Variants in PCDH11X observed in about 807,000 individuals in gnomAD.
PCDH11X encodes protocadherin 11 X-linked, also known as protocadherin-11 X-linked.
PCDH11X carries 18 observed loss-of-function variants against 53.3 expected under a neutral mutation model. The observed-to-expected ratio is 0.34, with a 90% CI of 0.23 to 0.50. The LOEUF (loss-of-function observed/expected upper bound fraction) is 0.50. Among genes scored for constraint, PCDH11X ranks in the 20% least tolerant of loss-of-function variants. The probability of loss-of-function intolerance (pLI) is 0.98; values close to 1 mark genes in which losing one functional copy is unlikely to be tolerated. For missense variants in PCDH11X, 570 were observed against 1,032.4 expected (o/e 0.55, Z 6.14); for synonymous variants, 279 against 393.3 (o/e 0.71, Z 3.44).
At chrX:92,172,558 T>G (rs2065841269) in intron 6 of PCDH11X, among the ~76,000 whole-genome samples, 1 of 109,277 alleles carries the variant, frequency 9.2e-6, no homozygotes, top group African/African-American at 3.3e-5. Context: ...CCCAGCTAGT[T>G]AACAAATTTT....
intron 6 of PCDH11X, among the ~76,000 whole-genome samples, chrX:92,125,473 C>A (rs1408414903): frequency 1.8e-5 from 2 of 110,334 alleles, no homozygotes; most frequent in Non-Finnish European, 3.8e-5. Flanking sequence ...TGTCTCATTG[C>A]TTCATAGGTA....
intron 10 of PCDH11X, among the ~76,000 whole-genome samples, chrX:92,502,656 C>T (rs1405698901): frequency 5.4e-5 from 6 of 110,155 alleles, no homozygotes; most frequent in Non-Finnish European, 9.5e-5. Flanking sequence ...GGAGAACTGG[C>T]TAACCATATG....
chrX:92,269,950 C>G (rs191930050), intron 8 of PCDH11X, among the ~76,000 whole-genome samples: 1 of 111,111 alleles, frequency 9.0e-6, no homozygotes, highest in African/African-American at 3.3e-5. Flanking sequence ...ATTTTAACCA[C>G]TGCTTTTCTC....
At chrX:92,386,745 C>G (rs5984946) in intron 8 of PCDH11X, among the ~76,000 whole-genome samples, 1,986 of 103,279 alleles carry the variant, frequency 0.019, 52 homozygotes, top group East Asian at 0.088. Flanking sequence ...AGTCTTTCCA[C>G]GAAGCTAGCT....
intron 6 of PCDH11X, among the ~76,000 whole-genome samples, chrX:92,191,104 C>T (rs946255829): frequency 9.0e-6 from 1 of 111,513 alleles, no homozygotes; most frequent in African/African-American, 3.3e-5. Flanking sequence ...GATAAATTTG[C>T]CCCAATTAAG....
chrX:92,196,127 T>A (rs985143665), intron 6 of PCDH11X, among the ~76,000 whole-genome samples: 1 of 111,916 alleles, frequency 8.9e-6, no homozygotes, highest in Non-Finnish European at 1.9e-5. Flanking sequence ...AATATCTCAA[T>A]ACTTGAAAAT....
chrX:92,153,165 T>C (rs2065470669), intron 6 of PCDH11X, among the ~76,000 whole-genome samples: 2 of 110,336 alleles, frequency 1.8e-5, no homozygotes, highest in African/African-American at 6.6e-5. Context: ...ACTTAGCACA[T>C]TAAAACATGT....
At chrX:92,537,884 A>G (rs143604383) in intron 10 of PCDH11X, among the ~76,000 whole-genome samples, 1,982 of 109,931 alleles carry the variant, frequency 0.018, 53 homozygotes, top group African/African-American at 0.062. Flanking sequence ...CATCAGTTTT[A>G]ATAGCTTTTG....
At chrX:91,781,969 C>A (rs1366995630) in intron 1 of PCDH11X, among the ~76,000 whole-genome samples, 1 of 111,780 alleles carries the variant, frequency 8.9e-6, no homozygotes. Flanking sequence ...CCTTTGCCTA[C>A]CAGGCCGGAG....
rs775289927 is a variant in PCDH11X, at chrX:92,100,638, C to A, written c.3034-100737C>A. 6.6e-4 allele frequency among the ~76,000 whole-genome samples: 73 copies of A among 110,181 alleles called. 2 individuals carry two copies. The highest frequency in any genetic ancestry group is 2.5e-3 in the African/African-American group (73 of 29,467). On this transcript the variant is annotated intron_variant, in intron 6 of 10. Transcript: ENST00000682573. Reference sequence around the variant, plus strand: ...GTTACTTCCGGCCATCTGGTCGTATCCGTGCAAGTCACAGGGGATGCGATG... The same window carrying A: ...GTTACTTCCGGCCATCTGGTCGTATACGTGCAAGTCACAGGGGATGCGATG...
At chrX:92,413,667 G>A (rs1216594442) in intron 9 of PCDH11X, among the ~76,000 whole-genome samples, 1 of 109,534 alleles carries the variant, frequency 9.1e-6, no homozygotes, top group African/African-American at 3.4e-5. Flanking sequence ...CCTGCAGAGT[G>A]GCCGTTGTGA....
At chrX:92,195,960 T>C (rs1026486917) in intron 6 of PCDH11X, among the ~76,000 whole-genome samples, 1 of 112,085 alleles carries the variant, frequency 8.9e-6, no homozygotes, top group Non-Finnish European at 1.9e-5. Flanking sequence ...ATTATTAAAT[T>C]ATGTATTTTC....
At chrX:92,616,684 T>A (rs183081678) in intron 10 of PCDH11X, among the ~76,000 whole-genome samples, 20 of 109,867 alleles carry the variant, frequency 1.8e-4, no homozygotes, top group African/African-American at 5.9e-4. Context: ...AGGTTTTTTT[T>A]AATCAAAATT....
At chrX:91,849,233 T>C (rs1271856586) in intron 5 of PCDH11X, among the ~76,000 whole-genome samples, 1 of 111,525 alleles carries the variant, frequency 9.0e-6, no homozygotes, top group African/African-American at 3.3e-5. Context: ...AAAATGCAAA[T>C]TACTTATTAT....
At chrX:92,347,119 C>T (rs2069918859) in intron 8 of PCDH11X, among the ~76,000 whole-genome samples, 1 of 111,461 alleles carries the variant, frequency 9.0e-6, no homozygotes, top group Admixed American at 9.6e-5. Flanking sequence ...GTTGCAGCTA[C>T]ACTTTGATTT....
At chrX:92,111,530 GA>G (rs2064512572) in intron 6 of PCDH11X, among the ~76,000 whole-genome samples, 1 of 109,125 alleles carries the variant, frequency 9.2e-6, no homozygotes. Context: ...TAGAATGTAA[GA>G]AGAAAAATGT....
At chrX:91,871,317 G>A (rs1939295332) in intron 5 of PCDH11X, among the ~76,000 whole-genome samples, 1 of 106,935 alleles carries the variant, frequency 9.4e-6, no homozygotes, top group Admixed American at 1.0e-4. Flanking sequence ...GTAATACTAA[G>A]AGAAAAGTGA....
intron 6 of PCDH11X, among the ~76,000 whole-genome samples, chrX:92,108,953 G>T (rs748856164): frequency 3.7e-4 from 41 of 111,925 alleles, no homozygotes; most frequent in African/African-American, 1.3e-3. Flanking sequence ...AGACAGAGAC[G>T]ATTTATTAAG....
intron 6 of PCDH11X, among the ~76,000 whole-genome samples, chrX:92,086,233 T>C (rs1343058545): frequency 2.7e-5 from 3 of 111,107 alleles, no homozygotes; most frequent in Admixed American, 9.6e-5. Context: ...TTTCTTATGG[T>C]ATAACTGATT....
Sources: gnomAD v4.1 joint callset for allele counts (sites outside exome capture counted in the v4.1 genomes callset) on GRCh38, gnomAD v4.1.1 for gene constraint, MANE v1.5 for transcripts, NCBI Gene and HGNC (gene_info 2026-07-23, HGNC 2026-07-21) for gene names.